The following LIPM variants were observed in gnomAD, a reference collection of about 807,000 sequenced individuals.
The protein encoded by LIPM is lipase family member M.
Under a neutral mutation model 42.4 loss-of-function variants are expected in LIPM, and 42 were observed. The ratio of observed to expected loss-of-function variants is 0.99; its 90% CI spans 0.77 to 1.28. The LOEUF is 1.28. LIPM is among the 50% of genes most tolerant of loss of function. The pLI, the probability that LIPM is intolerant of heterozygous loss-of-function variation, is 0.00. For missense variants in LIPM, 524 were observed against 520.1 expected (o/e 1.01, Z -0.07); for synonymous variants, 177 against 173.3 (o/e 1.02, Z -0.17).
At chr10:88,818,846 T>C (rs1456521790) in intron 8 of LIPM, among the ~76,000 whole-genome samples, 2 of 152,184 alleles carry the variant, frequency 1.3e-5, no homozygotes, top group Admixed American at 6.5e-5. Context: ...TCCCAAAATA[T>C]GTCTTTAGAG....
chr10:88,805,454 AC>A (rs1290767034), intron 1 of LIPM, among the ~76,000 whole-genome samples: 2 of 152,222 alleles, frequency 1.3e-5, no homozygotes, highest in African/African-American at 2.4e-5. Flanking sequence ...TTAAACATTG[AC>A]TTTTTTATAC....
chr10:88,808,619 TAC>T (rs779614793), intron 2 of LIPM, among the ~76,000 whole-genome samples: 2 of 152,170 alleles, frequency 1.3e-5, no homozygotes, highest in Non-Finnish European at 2.9e-5. Flanking sequence ...CAATTAAACA[TAC>T]AGTGTTTGCT....
intron 3 of LIPM, 45 bp downstream of exon 3, chr10:88,813,340 A>C: frequency 7.5e-7 from 1 of 1,324,866 alleles, no homozygotes; most frequent in Non-Finnish European, 1.0e-6. Flanking sequence ...TCTGTCTTTC[A>C]AAAAAAATGG....
At chr10:88,819,670 G>A (rs185066495) in intron 8 of LIPM, among the ~76,000 whole-genome samples, 2 of 152,306 alleles carry the variant, frequency 1.3e-5, no homozygotes, top group Non-Finnish European at 2.9e-5. Flanking sequence ...AAGGATTGGA[G>A]CAGGTATTTA....
intron 8 of LIPM, among the ~76,000 whole-genome samples, chr10:88,818,714 G>T (rs910828382): frequency 2.6e-5 from 4 of 152,002 alleles, no homozygotes; most frequent in African/African-American, 9.7e-5. Context: ...ATTAACATCC[G>T]CTGCCATATG....
intron 8 of LIPM, among the ~76,000 whole-genome samples, chr10:88,819,059 T>G (rs556287139): frequency 3.3e-5 from 5 of 151,878 alleles, no homozygotes; most frequent in African/African-American, 1.2e-4. Context: ...AGCTAATTTT[T>G]TTTTTGTACT....
At chr10:88,806,113 C>A (rs756673592) in intron 1 of LIPM, 3 of 413,764 alleles carry the variant, frequency 7.3e-6, no homozygotes, top group Non-Finnish European at 9.6e-6. Flanking sequence ...CTGTTGACAG[C>A]ACTTCCAGTG....
intron 1 of LIPM, among the ~76,000 whole-genome samples, chr10:88,807,238 A>G (rs1258216545): frequency 6.6e-6 from 1 of 152,224 alleles, no homozygotes; most frequent in Non-Finnish European, 1.5e-5. Flanking sequence ...GAACTGAAGC[A>G]TAGGAGCAGT....
At chr10:88,804,650 A>T (rs987755898) in intron 1 of LIPM, among the ~76,000 whole-genome samples, 1 of 151,864 alleles carries the variant, frequency 6.6e-6, no homozygotes, top group Non-Finnish European at 1.5e-5. Context: ...AGCATAAGAC[A>T]CTCCTACCAG....
intron 1 of LIPM, among the ~76,000 whole-genome samples, chr10:88,806,922 C>CTTGT (rs1233800780): frequency 6.6e-6 from 1 of 152,098 alleles, no homozygotes; most frequent in East Asian, 1.9e-4. Flanking sequence ...ATCTCCTGAC[C>CTTGT]TTGTGATCCA....
At chr10:88,810,782 T>A (rs993495559) in intron 2 of LIPM, among the ~76,000 whole-genome samples, 2 of 152,158 alleles carry the variant, frequency 1.3e-5, no homozygotes, top group South Asian at 4.1e-4. Context: ...AATGAGCCAT[T>A]CCTCTTGTTA....
chr10:88,819,675 T>C (rs887308001), intron 8 of LIPM, among the ~76,000 whole-genome samples: 10 of 152,184 alleles, frequency 6.6e-5, no homozygotes, highest in African/African-American at 2.4e-4. Flanking sequence ...TTGGAGCAGG[T>C]ATTTAACTTT....
At chr10:88,809,930 C>A (rs1843633992) in intron 2 of LIPM, among the ~76,000 whole-genome samples, 1 of 152,192 alleles carries the variant, frequency 6.6e-6, no homozygotes, top group Admixed American at 6.5e-5. Flanking sequence ...TTTCAGCCAA[C>A]TTTATCAGAG....
At chr10:88,814,977 A>C (rs1202035769) in intron 4 of LIPM, 111 bp from the exon 5 acceptor site, 9 of 971,498 alleles carry the variant, frequency 9.3e-6, no homozygotes, top group Non-Finnish European at 1.3e-5. Flanking sequence ...TAGGAGAGGT[A>C]AGATGCAGTC....
intron 1 of LIPM, among the ~76,000 whole-genome samples, chr10:88,805,530 C>A (rs565507203): frequency 1.3e-5 from 2 of 152,218 alleles, no homozygotes; most frequent in African/African-American, 4.8e-5. Context: ...GCAATAGTCA[C>A]CAATGTACTC....
At chr10:88,813,339 C>A (rs976480553) in intron 3 of LIPM, 44 bp downstream of exon 3, 4 of 1,401,792 alleles carry the variant, frequency 2.9e-6, no homozygotes, top group Admixed American at 2.9e-5. Flanking sequence ...GTCTGTCTTT[C>A]AAAAAAAATG....
rs564035353 is a variant in LIPM at position 88,806,692 on chromosome 10, T to C, written c.148-1606T>C. On this transcript the variant is annotated intron_variant, in intron 1 of 8. Transcript: ENST00000404743. Reference sequence around the variant, plus strand: ...TAAAATTTGAGACACTTCTATAAATTTTTTTTTCTTTGAGATGGAGTCTCC... The same window carrying C: ...TAAAATTTGAGACACTTCTATAAATCTTTTTTTCTTTGAGATGGAGTCTCC... 2.4e-3 allele frequency among the ~76,000 whole-genome samples: 368 copies of C among 152,128 alleles called. 2 individuals carry two copies. Among genetic ancestry groups the C allele is most frequent in the Admixed American group, 6.9e-3 (106 of 15,278 alleles).
chr10:88,808,909 ACATTT>A (rs1472643291), intron 2 of LIPM, among the ~76,000 whole-genome samples: 13 of 136,558 alleles, frequency 9.5e-5, no homozygotes, highest in African/African-American at 3.9e-4. Context: ...TTCTATACAT[ACATTT>A]TATTTTATTT....
intron 8 of LIPM, 32 bp downstream of exon 8, chr10:88,817,928 A>G (rs926331331): frequency 1.1e-5 from 16 of 1,472,152 alleles, no homozygotes; most frequent in Middle Eastern, 1.7e-4. Context: ...TGCTGAAAAT[A>G]TATACATTGG....
Sources: gnomAD v4.1 joint callset for allele counts (sites outside exome capture counted in the v4.1 genomes callset) on GRCh38, gnomAD v4.1.1 for gene constraint, MANE v1.5 for transcripts, NCBI Gene and HGNC (gene_info 2026-07-23, HGNC 2026-07-21) for gene names.